Variants in LRRC4C observed in about 807,000 individuals in gnomAD.
The protein encoded by LRRC4C is leucine-rich repeat-containing protein 4C.
Under a neutral mutation model 33.6 loss-of-function variants are expected in LRRC4C, and 5 were observed. The observed-to-expected ratio is 0.15, with a 90% CI of 0.08 to 0.31. The LOEUF (loss-of-function observed/expected upper bound fraction) is 0.31. Among genes scored for constraint, LRRC4C ranks in the 10% least tolerant of loss-of-function variants. The pLI is 1.00. For missense variants in LRRC4C, 560 were observed against 796.7 expected (o/e 0.70, Z 3.58); for synonymous variants, 329 against 302.0 (o/e 1.09, Z -0.93).
chr11:40,589,548 A>T (rs1958935121), intron 3 of LRRC4C, among the ~76,000 whole-genome samples: 1 of 150,128 alleles, frequency 6.7e-6, no homozygotes, highest in East Asian at 2.0e-4. Context: ...TTTGCTCGTT[A>T]GTTGATGCAG....
At position 40,266,160 on chromosome 11, in the gene LRRC4C, C is replaced by T. The variant is rs566524257; in HGVS notation, c.-175-24562G>A. ...AAAAAATAAAATAATTAGCCAGGCA[C>T]GGTTGGGTGGCAGCTGTAGTCCCAG... is the stretch of plus-strand genomic sequence containing the variant. On this transcript the variant is annotated intron_variant, in intron 4 of 6. Transcript: ENST00000528697. 1.4e-3 allele frequency among the ~76,000 whole-genome samples: 208 copies of T among 151,930 alleles called. 2 individuals are homozygous for T. The highest frequency in any genetic ancestry group is 4.8e-3 in the African/African-American group (198 of 41,450).
chr11:40,843,333 G>T (rs929311257), intron 2 of LRRC4C, among the ~76,000 whole-genome samples: 1 of 152,018 alleles, frequency 6.6e-6, no homozygotes, highest in Non-Finnish European at 1.5e-5. Context: ...GGAACTCCTC[G>T]CAGGCATCTG....
chr11:41,411,748 A>G (rs1202384908), intron 1 of LRRC4C, among the ~76,000 whole-genome samples: 1 of 152,160 alleles, frequency 6.6e-6, no homozygotes, highest in African/African-American at 2.4e-5. Context: ...TGCTGTCTGC[A>G]TGGGTTTTCT....
intron 2 of LRRC4C, among the ~76,000 whole-genome samples, chr11:40,704,031 T>G (rs1946017190): frequency 6.6e-6 from 1 of 152,110 alleles, no homozygotes; most frequent in Non-Finnish European, 1.5e-5. Flanking sequence ...GCGCTGAAAA[T>G]ATTAGATGGT....
At chr11:40,795,572 A>G (rs1950791677) in intron 2 of LRRC4C, among the ~76,000 whole-genome samples, 1 of 152,100 alleles carries the variant, frequency 6.6e-6, no homozygotes, top group Admixed American at 6.6e-5. Flanking sequence ...AAGGATAGGA[A>G]AAAATAGAAA....
intron 3 of LRRC4C, among the ~76,000 whole-genome samples, chr11:40,545,569 C>T (rs189177144): frequency 4.6e-5 from 7 of 152,016 alleles, no homozygotes; most frequent in Admixed American, 2.0e-4. Flanking sequence ...GTATATTTAG[C>T]CTACTCTTTC....
At chr11:40,482,014 C>A (rs1301730928) in intron 3 of LRRC4C, among the ~76,000 whole-genome samples, 1 of 152,114 alleles carries the variant, frequency 6.6e-6, no homozygotes, top group African/African-American at 2.4e-5. Context: ...AAAGTTCAAA[C>A]AAATCAATGA....
chr11:40,737,074 T>C (rs1210809495), intron 2 of LRRC4C, among the ~76,000 whole-genome samples: 1 of 152,152 alleles, frequency 6.6e-6, no homozygotes, highest in Non-Finnish European at 1.5e-5. Context: ...TCTTTGCCCA[T>C]GCCTATGTCC....
At chr11:41,454,971 A>G (rs908514281) in intron 1 of LRRC4C, among the ~76,000 whole-genome samples, 7 of 152,132 alleles carry the variant, frequency 4.6e-5, no homozygotes, top group African/African-American at 1.7e-4. Context: ...TCATTCACTC[A>G]TCACAGAATT....
chr11:40,154,281 A>G (rs1235876990), intron 5 of LRRC4C, among the ~76,000 whole-genome samples: 1 of 72,668 alleles, frequency 1.4e-5, no homozygotes, highest in Non-Finnish European at 2.8e-5. Context: ...AATACAAGCT[A>G]AAAAGCAAAA....
At chr11:41,113,770 C>A (rs1450622617) in intron 1 of LRRC4C, among the ~76,000 whole-genome samples, 1 of 151,966 alleles carries the variant, frequency 6.6e-6, no homozygotes, top group African/African-American at 2.4e-5. Context: ...AAGATTTATA[C>A]CTTATTGTTT....
At chr11:41,298,415 CTT>C (rs533979006) in intron 1 of LRRC4C, among the ~76,000 whole-genome samples, 4 of 144,334 alleles carry the variant, frequency 2.8e-5, no homozygotes. Flanking sequence ...GGAAAGTGAA[CTT>C]TTTTTTTTTT....
At chr11:40,315,915 C>T (rs972266197) in intron 4 of LRRC4C, among the ~76,000 whole-genome samples, 15 of 152,006 alleles carry the variant, frequency 9.9e-5, no homozygotes, top group Admixed American at 5.2e-4. Flanking sequence ...TCCCATAGAG[C>T]TTACAATCTC....
At chr11:40,717,414 A>T (rs972638826) in intron 2 of LRRC4C, among the ~76,000 whole-genome samples, 1 of 152,062 alleles carries the variant, frequency 6.6e-6, no homozygotes, top group Non-Finnish European at 1.5e-5. Flanking sequence ...GCCTTTTTAC[A>T]TTCTACCCCA....
intron 2 of LRRC4C, among the ~76,000 whole-genome samples, chr11:40,893,594 G>A (rs375518207): frequency 2.2e-4 from 34 of 152,044 alleles, no homozygotes; most frequent in African/African-American, 8.2e-4. Context: ...AAACTATGAA[G>A]AGACATTTCT....
chr11:40,884,255 A>T (rs1011879236), intron 2 of LRRC4C, among the ~76,000 whole-genome samples: 37 of 152,184 alleles, frequency 2.4e-4, no homozygotes, highest in African/African-American at 8.9e-4. Context: ...ATCCTTTTTT[A>T]TGGACGCATA....
chr11:40,598,577 A>T (rs1290309244), intron 3 of LRRC4C, among the ~76,000 whole-genome samples: 1 of 152,186 alleles, frequency 6.6e-6, no homozygotes, highest in African/African-American at 2.4e-5. Context: ...TAGCAGGTGC[A>T]ATGCTCTGTG....
intron 3 of LRRC4C, among the ~76,000 whole-genome samples, chr11:40,610,250 A>G (rs7482145): frequency 0.43 from 65,620 of 151,728 alleles, 15,265 homozygotes; most frequent in Middle Eastern, 0.57. Context: ...CCAATGTGGT[A>G]TACCATATGA....
At chr11:41,163,284 G>GTTTATTTTTTTTTTT (rs1944556444) in intron 1 of LRRC4C, among the ~76,000 whole-genome samples, 1 of 73,382 alleles carries the variant, frequency 1.4e-5, no homozygotes, top group Non-Finnish European at 2.4e-5. Context: ...TACTGTAACT[G>GTTTATTTTTTTTTTT]TTTTTTTTTT....
Sources: allele counts gnomAD v4.1 joint callset (sites outside exome capture counted in the v4.1 genomes callset), GRCh38; gene constraint gnomAD v4.1.1; transcripts MANE v1.5; gene names NCBI Gene and HGNC (gene_info 2026-07-23, HGNC 2026-07-21).